The following EXOC4 variants were observed in gnomAD, a reference collection of about 807,000 sequenced individuals.
EXOC4 encodes SEC8-like 1.
A neutral mutation model predicts 107.2 loss-of-function variants in EXOC4; 71 were observed. That is an observed-to-expected ratio of 0.66 (90% confidence interval 0.55 to 0.81). The LOEUF (loss-of-function observed/expected upper bound fraction) is 0.81. Among genes scored for constraint, EXOC4 ranks in the 30% least tolerant of loss-of-function variants. The pLI is 0.00. For missense variants in EXOC4, 1,108 were observed against 1,189.6 expected (o/e 0.93, Z 1.01); for synonymous variants, 456 against 441.2 (o/e 1.03, Z -0.42).
At chr7:133,819,610 A>T (rs1247685932) in intron 11 of EXOC4, among the ~76,000 whole-genome samples, 1 of 152,156 alleles carries the variant, frequency 6.6e-6, no homozygotes, top group East Asian at 1.9e-4. Context: ...AGTAACAAAA[A>T]TATGTTTACT....
At chr7:133,402,211 C>G (rs1384920839) in intron 7 of EXOC4, among the ~76,000 whole-genome samples, 1 of 152,212 alleles carries the variant, frequency 6.6e-6, no homozygotes, top group Non-Finnish European at 1.5e-5. Context: ...ATAGGAAATT[C>G]TGAAGATACT....
At chr7:133,975,483 A>G (rs1367321480) in intron 14 of EXOC4, among the ~76,000 whole-genome samples, 1 of 152,230 alleles carries the variant, frequency 6.6e-6, no homozygotes, top group Non-Finnish European at 1.5e-5. Flanking sequence ...AAAGAATGTT[A>G]TCATATCATA....
intron 7 of EXOC4, among the ~76,000 whole-genome samples, chr7:133,407,622 T>G (rs1797252783): frequency 6.6e-6 from 1 of 152,152 alleles, no homozygotes; most frequent in Non-Finnish European, 1.5e-5. Context: ...ATAAGATGTG[T>G]GTAAGATGTA....
At chr7:134,081,357 T>C in the EXOC4 span, among the ~76,000 whole-genome samples, 1 of 151,838 alleles carries the variant, frequency 6.6e-6, no homozygotes, top group South Asian at 2.1e-4. Flanking sequence ...CTCAAAAAAT[T>C]AAATAAATAA....
At chr7:133,917,879 T>C in intron 13 of EXOC4, 141 bp downstream of exon 13, 2 of 785,036 alleles carry the variant, frequency 2.5e-6, no homozygotes, top group South Asian at 2.3e-5. Context: ...GTTTTCCTCC[T>C]GTCTCACCTC....
intron 7 of EXOC4, among the ~76,000 whole-genome samples, chr7:133,453,504 CTTAA>C (rs1395532688): frequency 4.6e-5 from 7 of 152,252 alleles, no homozygotes; most frequent in Non-Finnish European, 8.8e-5. Flanking sequence ...TTTGTTTTAA[CTTAA>C]TTAAACTGTC....
chr7:134,068,056 A>T (rs1796210650), downstream of EXOC4, among the ~76,000 whole-genome samples: 1 of 152,148 alleles, frequency 6.6e-6, no homozygotes, highest in African/African-American at 2.4e-5. Flanking sequence ...ATTTTTTAGT[A>T]TGTCCAGATC....
At chr7:133,472,115 G>A (rs956941880) in intron 7 of EXOC4, among the ~76,000 whole-genome samples, 3 of 152,156 alleles carry the variant, frequency 2.0e-5, no homozygotes, top group East Asian at 1.9e-4. Context: ...TTGGGTTTAC[G>A]TTTGAGAGAA....
At chr7:133,646,683 A>G (rs747629450) in intron 10 of EXOC4, among the ~76,000 whole-genome samples, 1 of 152,152 alleles carries the variant, frequency 6.6e-6, no homozygotes, top group African/African-American at 2.4e-5. Context: ...AACTACTAAG[A>G]GAGAAACCAG....
chr7:133,812,934 A>C (rs1391687626), intron 10 of EXOC4, among the ~76,000 whole-genome samples: 1 of 151,710 alleles, frequency 6.6e-6, no homozygotes, highest in Non-Finnish European at 1.5e-5. Flanking sequence ...TTTTTCACTG[A>C]GGTAAAGAAA....
intron 10 of EXOC4, among the ~76,000 whole-genome samples, chr7:133,642,164 C>G (rs1026806673): frequency 7.2e-5 from 11 of 151,936 alleles, no homozygotes; most frequent in African/African-American, 2.7e-4. Flanking sequence ...TTAATTCATT[C>G]TTTTTTTTCC....
intron 7 of EXOC4, among the ~76,000 whole-genome samples, chr7:133,450,427 TAC>T (rs1798315716): frequency 1.3e-5 from 2 of 152,178 alleles, no homozygotes; most frequent in African/African-American, 2.4e-5. Context: ...CCTCCCAAAG[TAC>T]TGGGATTACA....
At chr7:133,728,867 C>A (rs941303098) in intron 10 of EXOC4, among the ~76,000 whole-genome samples, 1 of 152,180 alleles carries the variant, frequency 6.6e-6, no homozygotes, top group African/African-American at 2.4e-5. Context: ...AACTCTCCAC[C>A]TTTTGAGGAA....
chr7:133,454,962 C>G (rs975051893), intron 7 of EXOC4, among the ~76,000 whole-genome samples: 9 of 151,828 alleles, frequency 5.9e-5, no homozygotes, highest in Non-Finnish European at 1.2e-4. Flanking sequence ...AGCCATGTAT[C>G]GTGGTCACAG....
chr7:133,353,568 TTC>T (rs1309812110), intron 5 of EXOC4, among the ~76,000 whole-genome samples: 1 of 152,164 alleles, frequency 6.6e-6, no homozygotes, highest in Non-Finnish European at 1.5e-5. Flanking sequence ...ACTTTCAAGA[TTC>T]TCTCTTTGTA....
intron 10 of EXOC4, among the ~76,000 whole-genome samples, chr7:133,807,591 GAAA>G (rs969260079): frequency 1.3e-5 from 2 of 149,166 alleles, no homozygotes; most frequent in Non-Finnish European, 3.0e-5. Flanking sequence ...TTTATCTTCT[GAAA>G]AAAAAATAAA....
At chr7:133,874,611 G>A (rs567699361) in intron 11 of EXOC4, among the ~76,000 whole-genome samples, 3 of 152,304 alleles carry the variant, frequency 2.0e-5, no homozygotes, top group South Asian at 4.1e-4. Flanking sequence ...TGAGGTGCAC[G>A]CGTAACTGAG....
At chr7:133,494,743 C>T (rs1478117759) in intron 9 of EXOC4, among the ~76,000 whole-genome samples, 1 of 152,150 alleles carries the variant, frequency 6.6e-6, no homozygotes, top group Non-Finnish European at 1.5e-5. Flanking sequence ...CAATTGAAAT[C>T]CTTTGTCATC....
At position 133,423,473 on chromosome 7, in the gene EXOC4, T is replaced by G. The variant is rs551111508; in HGVS notation, c.1182+48471T>G. Among the ~76,000 whole-genome samples the G allele has an allele frequency of 2.2e-4, 34 of 152,334 alleles. No individual in the cohort carries two copies. In the South Asian group the frequency reaches 4.1e-3, roughly 19 times the overall value. On this transcript the variant is annotated intron_variant, in intron 7 of 17. Transcript: ENST00000253861. ...TACATCACTTTGCTCATTTGGTGATTGTGTAGGTGTGAGTATGTGCATGTG... is the reference window on the plus strand; with the variant it reads ...TACATCACTTTGCTCATTTGGTGATGGTGTAGGTGTGAGTATGTGCATGTG...
Sources: gnomAD v4.1 joint callset for allele counts (sites outside exome capture counted in the v4.1 genomes callset) on GRCh38, gnomAD v4.1.1 for gene constraint, MANE v1.5 for transcripts, NCBI Gene and HGNC (gene_info 2026-07-23, HGNC 2026-07-21) for gene names.